SGCD: variants seen among roughly 807,000 people sequenced by gnomAD.
SGCD encodes sarcoglycan delta.
In SGCD, 18 loss-of-function variants were observed where a neutral mutation model predicts 36.6. That is an observed-to-expected ratio of 0.49 (90% CI 0.34 to 0.73). SGCD has a LOEUF of 0.73. SGCD is among the 30% of genes least tolerant of loss of function. SGCD has a pLI of 0.01. For missense variants in SGCD, 387 were observed against 346.7 expected (o/e 1.12, Z -0.92); for synonymous variants, 133 against 130.6 (o/e 1.02, Z -0.12).
At chr5:156,191,391 A>G (rs1237247510) in intron 3 of SGCD, among the ~76,000 whole-genome samples, 1 of 152,160 alleles carries the variant, frequency 6.6e-6, no homozygotes, top group East Asian at 1.9e-4. Flanking sequence ...TAGACGCATT[A>G]AAAGGAGTGT....
intron 3 of SGCD, among the ~76,000 whole-genome samples, chr5:156,393,174 C>T (rs1299756621): frequency 2.0e-5 from 3 of 152,132 alleles, no homozygotes; most frequent in Non-Finnish European, 4.4e-5. Context: ...AACCAAGAGA[C>T]AGGGACAGGA....
intron 3 of SGCD, among the ~76,000 whole-genome samples, chr5:156,262,967 A>G (rs1765905462): frequency 6.6e-6 from 1 of 152,004 alleles, no homozygotes; most frequent in African/African-American, 2.4e-5. Flanking sequence ...ACACATATAT[A>G]TACACTACAA....
intron 3 of SGCD, among the ~76,000 whole-genome samples, chr5:156,284,708 C>G (rs1766547656): frequency 1.3e-5 from 2 of 152,210 alleles, no homozygotes; most frequent in African/African-American, 4.8e-5. Context: ...AAACCCACAG[C>G]CAATATCATA....
chr5:156,217,888 A>T (rs1764613667), intron 3 of SGCD, among the ~76,000 whole-genome samples: 1 of 152,136 alleles, frequency 6.6e-6, no homozygotes, highest in Admixed American at 6.5e-5. Context: ...TTATTCTTTC[A>T]TTATAAAAAT....
intron 3 of SGCD, among the ~76,000 whole-genome samples, chr5:156,441,878 C>T (rs574282514): frequency 1.3e-5 from 2 of 152,160 alleles, no homozygotes; most frequent in Admixed American, 1.3e-4. Flanking sequence ...TCAGAGTCAC[C>T]TGAGGTGGAA....
At chr5:156,758,705 G>A (rs1008829594) in intron 8 of SGCD, among the ~76,000 whole-genome samples, 2 of 151,320 alleles carry the variant, frequency 1.3e-5, no homozygotes, top group Admixed American at 1.3e-4. Flanking sequence ...TTCCACAACT[G>A]CTTATTTTTA....
chr5:155,823,055 T>C, the SGCD span, among the ~76,000 whole-genome samples: 2 of 143,332 alleles, frequency 1.4e-5, no homozygotes, highest in African/African-American at 2.6e-5. Context: ...TATATCTCTA[T>C]ATCTCTATAT....
the SGCD span, among the ~76,000 whole-genome samples, chr5:155,809,202 G>T: frequency 6.6e-6 from 1 of 152,166 alleles, no homozygotes; most frequent in Non-Finnish European, 1.5e-5. Context: ...AGTTTCTGTT[G>T]TTCTCAAGAA....
intron 1 of SGCD, among the ~76,000 whole-genome samples, chr5:156,014,637 A>G (rs1040189607): frequency 1.3e-5 from 2 of 152,198 alleles, no homozygotes; most frequent in African/African-American, 4.8e-5. Flanking sequence ...TATGTAATCT[A>G]CAGTCCATAT....
At chr5:156,260,587 T>C (rs1765833323) in intron 3 of SGCD, among the ~76,000 whole-genome samples, 1 of 152,148 alleles carries the variant, frequency 6.6e-6, no homozygotes, top group African/African-American at 2.4e-5. Context: ...TTAGCTCAAG[T>C]AGGTTGTGTA....
the SGCD span, among the ~76,000 whole-genome samples, chr5:155,811,063 C>T: frequency 6.6e-6 from 1 of 151,628 alleles, no homozygotes; most frequent in Admixed American, 6.6e-5. Flanking sequence ...GTGATCCGCC[C>T]GCCTCGGCCT....
At chr5:156,344,906 T>G (rs1366353138) in intron 3 of SGCD, among the ~76,000 whole-genome samples, 1 of 152,222 alleles carries the variant, frequency 6.6e-6, no homozygotes, top group African/African-American at 2.4e-5. Context: ...TTTCCCTCCT[T>G]TAGAATCTCC....
the SGCD span, among the ~76,000 whole-genome samples, chr5:155,766,266 A>G: frequency 1.3e-5 from 2 of 152,272 alleles, no homozygotes; most frequent in Non-Finnish European, 2.9e-5. Context: ...ATGCTTTCCC[A>G]TGTACACTTG....
chr5:156,758,879 A>C (rs746280893), intron 8 of SGCD, among the ~76,000 whole-genome samples: 3 of 152,212 alleles, frequency 2.0e-5, no homozygotes, highest in South Asian at 2.1e-4. Flanking sequence ...GCACACAGTC[A>C]TAGTAGGATC....
At chr5:155,952,018 G>A (rs1426764983) in intron 1 of SGCD, among the ~76,000 whole-genome samples, 2 of 152,170 alleles carry the variant, frequency 1.3e-5, no homozygotes, top group African/African-American at 4.8e-5. Context: ...TTCACAGGAT[G>A]AAAGGGCTTA....
chr5:156,347,724 A>T (rs1341371453), intron 3 of SGCD, among the ~76,000 whole-genome samples: 3 of 152,324 alleles, frequency 2.0e-5, no homozygotes, highest in Admixed American at 2.0e-4. Flanking sequence ...AGTGGAAAAT[A>T]TGAGCTGAAA....
chr5:156,605,490 A>G (rs1407994270), intron 6 of SGCD, among the ~76,000 whole-genome samples: 1 of 152,222 alleles, frequency 6.6e-6, no homozygotes, highest in Non-Finnish European at 1.5e-5. Context: ...GCTAGTGTGA[A>G]TAGTGCTGCA....
the SGCD span, among the ~76,000 whole-genome samples, chr5:155,765,441 G>C: frequency 7.7e-6 from 1 of 129,550 alleles, no homozygotes; most frequent in Non-Finnish European, 1.7e-5. Context: ...GAGGAGGGAG[G>C]GTGGGAGGGA....
chr5:156,360,894 C>T (rs1327182989), intron 3 of SGCD, among the ~76,000 whole-genome samples: 1 of 152,146 alleles, frequency 6.6e-6, no homozygotes, highest in Admixed American at 6.5e-5. Flanking sequence ...GGCTTGGCGC[C>T]CACCAAGAGT....
Sources: allele counts gnomAD v4.1 joint callset (sites outside exome capture counted in the v4.1 genomes callset), GRCh38; gene constraint gnomAD v4.1.1; transcripts MANE v1.5; gene names NCBI Gene and HGNC (gene_info 2026-07-23, HGNC 2026-07-21).